The following SLC25A5 variants were observed in gnomAD, a reference collection of about 807,000 sequenced individuals.
The protein encoded by SLC25A5 is solute carrier family 25 member 5, also known as ADP/ATP translocase 2.
In SLC25A5, 4 loss-of-function variants were observed where a neutral mutation model predicts 16.5. The ratio of observed to expected loss-of-function variants is 0.24; its 90% CI spans 0.12 to 0.56. The LOEUF is 0.56. Among genes scored for constraint, SLC25A5 ranks in the 20% least tolerant of loss-of-function variants. The pLI is 0.93. For missense variants in SLC25A5, 88 were observed against 248.0 expected (o/e 0.35, Z 4.33); for synonymous variants, 60 against 95.2 (o/e 0.63, Z 2.15).
rs199678822 is a variant in SLC25A5, at chrX:119,470,021, G to A, written c.472G>A (p.Gly158Ser). The A allele has an allele frequency of 2.0e-3, 2,000 of 1,004,100 alleles. No homozygotes were observed. In the African/African-American group the frequency reaches 0.021, roughly 11 times the overall value. 82.7% of individuals were successfully genotyped at this position (1,004,100 alleles called of 1,213,427 possible). ...AGCTGAAAGGGAATTCCGAGGCCTC[G>A]GTGACTGCCTGGTTAAGATCTACAA... ...AGAEREFRGL[G>S]DCLVKIYKSD... Residue 158 changes from glycine to serine, a missense_variant, in exon 2 of 4, where the codon GGT (glycine) becomes AGT (serine). Transcript: ENST00000317881.
intron 1 of SLC25A5, chrX:119,469,381 G>A: frequency 3.9e-6 from 1 of 254,360 alleles, no homozygotes; most frequent in African/African-American, 2.7e-5. Flanking sequence ...ACCTGGGTTT[G>A]AGGTAATGAC....
intron 1 of SLC25A5, 193 bp downstream of exon 1, chrX:119,468,819 T>A (rs1256073139): frequency 4.6e-6 from 2 of 436,745 alleles, no homozygotes; most frequent in Non-Finnish European, 8.0e-6. Flanking sequence ...CCTGAAGTAG[T>A]GAGTCTAGGA....
chrX:119,471,114 T>G lies in SLC25A5; in HGVS notation c.*56T>G, dbSNP rs989558468. On this transcript the variant is annotated 3_prime_UTR_variant, in exon 4 of 4. Transcript: ENST00000317881. ...CAGGCATGTTGTATTATATAACATA[T>G]CTTGAGCATTCTTGACAGACTCCTG... 2.9e-6 allele frequency: 3 copies of G among 1,023,611 alleles called. No individual in the cohort carries two copies. In the African/African-American group the frequency reaches 5.6e-5, roughly 19 times the overall value. The allele number at this position is 1,023,611 out of a possible 1,213,427, so 84.4% of individuals were successfully genotyped here.
At position 119,470,189 on chromosome X, in the gene SLC25A5, A is replaced by G. The variant is rs752704926; in HGVS notation, c.598+42A>G. ...CTTTAACGTTGTGTTCTTAGGAGACAGTTTAAAAGAGCATTGTACCAACCT... is the reference window on the plus strand; with the variant it reads ...CTTTAACGTTGTGTTCTTAGGAGACGGTTTAAAAGAGCATTGTACCAACCT... On this transcript the variant is annotated intron_variant, in intron 2 of 3. Coordinates refer to ENST00000317881, the MANE Select transcript of SLC25A5 (RefSeq NM_001152.5). 1.7e-5 allele frequency: 20 copies of G among 1,149,793 alleles called. No homozygotes were observed. The African/African-American group carries it at 3.5e-4, about 20-fold the overall frequency. The allele number at this position is 1,149,793 out of a possible 1,213,427, so 94.8% of individuals were successfully genotyped here.
chrX:119,470,629 A>G (rs2052826038), intron 3 of SLC25A5, 116 bp downstream of exon 3: 2 of 918,511 alleles, frequency 2.2e-6, no homozygotes, highest in Admixed American at 2.8e-5. Flanking sequence ...TGGGGTTGAT[A>G]GCATCTGTGT....
At chrX:119,470,219 G>A in intron 2 of SLC25A5, 72 bp downstream of exon 2, 1 of 1,138,317 alleles carries the variant, frequency 8.8e-7, no homozygotes, top group Admixed American at 2.8e-5. Context: ...CAACCTAACA[G>A]TCCAAGAGCT....
Position 119,471,106 on chromosome X carries a change from A to G in SLC25A5, c.*48A>G. The G allele has an allele frequency of 2.7e-6, 3 of 1,103,105 alleles. No homozygotes were observed. The highest frequency in any genetic ancestry group is 3.7e-6 in the Non-Finnish European group (3 of 818,596). 90.9% of individuals were successfully genotyped at this position (1,103,105 alleles called of 1,213,427 possible). On this transcript the variant is annotated 3_prime_UTR_variant, in exon 4 of 4. Coordinates refer to ENST00000317881, the MANE Select transcript of SLC25A5 (RefSeq NM_001152.5). The stretch of plus-strand genomic sequence containing the variant: ...CCTGTGAACAGGCATGTTGTATTAT[A>G]TAACATATCTTGAGCATTCTTGACA...
rs2052830273 is a variant in SLC25A5 at position 119,471,122 on chromosome X, A to G, written c.*64A>G. The stretch of plus-strand genomic sequence containing the variant: ...TTGTATTATATAACATATCTTGAGC[A>G]TTCTTGACAGACTCCTGGCTGTCAG... On this transcript the variant is annotated 3_prime_UTR_variant, in exon 4 of 4. Transcript: ENST00000317881. 1.0e-6 allele frequency: 1 copy of G among 997,288 alleles called. No homozygotes were observed. Among genetic ancestry groups the G allele is most frequent in the African/African-American group, 1.9e-5 (1 of 52,773 alleles). 82.2% of individuals were successfully genotyped at this position (997,288 alleles called of 1,213,427 possible).
At chrX:119,470,561 T>C in intron 3 of SLC25A5, 48 bp downstream of exon 3, 1 of 1,163,892 alleles carries the variant, frequency 8.6e-7, no homozygotes, top group East Asian at 3.0e-5. Context: ...TGGGGCAATC[T>C]GCTGCCACAA....
At position 119,470,354 on chromosome X, in the gene SLC25A5, A is replaced by G. The variant is rs1442820430; in HGVS notation, c.599-19A>G. 3.3e-6 allele frequency: 4 copies of G among 1,206,715 alleles called. No homozygotes were observed. The highest frequency in any genetic ancestry group is 1.7e-5 in the African/African-American group (1 of 57,906). On this transcript the variant is annotated intron_variant, in intron 2 of 3. Transcript: ENST00000317881. The stretch of plus-strand genomic sequence containing the variant: ...TAAAACTCTGCTTTTTGGTAAAAGC[A>G]TCTCTTTCCTATTCCCAGGAATGCT...
Position 119,471,278 on chromosome X carries a change from G to A in SLC25A5, c.*220G>A, listed in dbSNP as rs1490676145. 10 of 284,465 alleles carry A rather than the reference G, an allele frequency of 3.5e-5. No individual in the cohort carries two copies. Among genetic ancestry groups the A allele is most frequent in the Non-Finnish European group, 6.2e-5 (10 of 162,309 alleles). The allele number at this position is 284,465 out of a possible 1,213,427, so 23.4% of individuals were successfully genotyped here. A position where few individuals can be genotyped will look rare whatever the true frequency, so the allele number is the denominator to read the frequency against. On this transcript the variant is annotated 3_prime_UTR_variant, in exon 4 of 4. Transcript: ENST00000317881. ...TGTATTTTTTATTTCAGTCACTCCT[G>A]ATAAATAACAAATTTGGAGAAATAA... is the stretch of plus-strand genomic sequence containing the variant.
chrX:119,471,211 T>C lies in SLC25A5; in HGVS notation c.*153T>C. The C allele has an allele frequency of 2.5e-6, 1 of 395,262 alleles. No individual in the cohort carries two copies. The highest frequency in any genetic ancestry group is 4.1e-6 in the Non-Finnish European group (1 of 245,389). The allele number at this position is 395,262 out of a possible 1,213,427, so 32.6% of individuals were successfully genotyped here. On this transcript the variant is annotated 3_prime_UTR_variant, in exon 4 of 4. Transcript: ENST00000317881. ...GCAATAATATTCATCTGACCAGTTT[T>C]CTCTTAAAGCCATTTCCATGATGAT...
At chrX:119,470,549 C>G in intron 3 of SLC25A5, 36 bp downstream of exon 3, 1 of 1,183,573 alleles carries the variant, frequency 8.4e-7, no homozygotes, top group Non-Finnish European at 1.1e-6. Context: ...AAGTTGTAGT[C>G]GTGGGGCAAT....
At chrX:119,470,646 C>T in intron 3 of SLC25A5, 133 bp downstream of exon 3, 1 of 851,847 alleles carries the variant, frequency 1.2e-6, no homozygotes, top group Non-Finnish European at 1.7e-6. Flanking sequence ...GTGTCTGTTC[C>T]ACAACTGCCT....
At chrX:119,468,941 G>A (rs949323780) in intron 1 of SLC25A5, 1 of 275,959 alleles carries the variant, frequency 3.6e-6, no homozygotes. Flanking sequence ...CAAGGGCGAA[G>A]GCCGAAAGCC....
In SLC25A5 at chrX:119,468,473, C is replaced by T. The variant is rs763972216; in HGVS notation, c.-43C>T. ...GCAGCGCCGGAGTCAAAGCCGGTTCCCGGCCCAGTCCCGTCCTGCAGCAGT... is the reference window on the plus strand; with the variant it reads ...GCAGCGCCGGAGTCAAAGCCGGTTCTCGGCCCAGTCCCGTCCTGCAGCAGT... On this transcript the variant is annotated 5_prime_UTR_variant, in exon 1 of 4. Coordinates refer to ENST00000317881, the MANE Select transcript of SLC25A5 (RefSeq NM_001152.5). 42 of 1,130,380 alleles carry T rather than the reference C, an allele frequency of 3.7e-5. No individual in the cohort carries two copies. The South Asian group carries it at 3.9e-4, about 11-fold the overall frequency. The allele number at this position is 1,130,380 out of a possible 1,213,427, so 93.2% of individuals were successfully genotyped here.
Position 119,468,480 on chromosome X carries a change from A to G in SLC25A5, c.-36A>G, listed in dbSNP as rs754566791. 7.0e-6 allele frequency: 8 copies of G among 1,146,595 alleles called. No individual in the cohort carries two copies. Among genetic ancestry groups the G allele is most frequent in the East Asian group, 3.0e-5 (1 of 33,235 alleles). 94.5% of individuals were successfully genotyped at this position (1,146,595 alleles called of 1,213,427 possible). A position where few individuals can be genotyped will look rare whatever the true frequency, so the allele number is the denominator to read the frequency against. On this transcript the variant is annotated 5_prime_UTR_variant, in exon 1 of 4. Transcript: ENST00000317881. Reference sequence around the variant, plus strand: ...CGGAGTCAAAGCCGGTTCCCGGCCCAGTCCCGTCCTGCAGCAGTCTGCCTC... The same window carrying G: ...CGGAGTCAAAGCCGGTTCCCGGCCCGGTCCCGTCCTGCAGCAGTCTGCCTC...
Position 119,468,452 on chromosome X carries a change from C to A in SLC25A5, c.-64C>A. ...CCATTTGCTTCGCTCCGCCCCGCAG[C>A]GCCGGAGTCAAAGCCGGTTCCCGGC... On this transcript the variant is annotated 5_prime_UTR_variant, in exon 1 of 4. Coordinates refer to ENST00000317881, the MANE Select transcript of SLC25A5 (RefSeq NM_001152.5). The A allele has an allele frequency of 1.0e-6, 1 of 988,462 alleles. No homozygotes were observed. Among genetic ancestry groups the A allele is most frequent in the Non-Finnish European group, 1.4e-6 (1 of 701,574 alleles). The allele number at this position is 988,462 out of a possible 1,213,427, so 81.5% of individuals were successfully genotyped here.
In SLC25A5 at chrX:119,470,086, G is replaced by C. The variant is rs2052820474; in HGVS notation, c.537G>C (p.Val179=). 27 of 1,211,465 alleles carry C rather than the reference G, an allele frequency of 2.2e-5. No individual in the cohort carries two copies. Among genetic ancestry groups the C allele is most frequent in the Non-Finnish European group, 2.9e-5 (26 of 895,019 alleles). ...AGGGCCTGTACCAAGGCTTTAACGT[G>C]TCTGTGCAGGGTATTATCATCTACC... ...GIKGLYQGFN[V]SVQGIIIYRA... is the part of the protein sequence containing the mutation. The change falls in exon 2 of 4, where the codon GTG becomes GTC. Residue 179 remains valine, a synonymous_variant. Transcript: ENST00000317881.
Sources: gnomAD v4.1 joint callset for allele counts on GRCh38, gnomAD v4.1.1 for gene constraint, MANE v1.5 for transcripts, NCBI Gene and HGNC (gene_info 2026-07-23, HGNC 2026-07-21) for gene names.